The following PID1 variants were observed in gnomAD, a reference collection of about 807,000 sequenced individuals.
PID1 encodes PTB-containing, cubilin and LRP1-interacting protein.
Under a neutral mutation model 19.1 loss-of-function variants are expected in PID1, and 10 were observed. The ratio of observed to expected loss-of-function variants is 0.52; its 90% CI spans 0.32 to 0.89. The LOEUF is 0.89. PID1 is among the 40% of genes least tolerant of loss of function. PID1 has a pLI of 0.03. For synonymous variants in PID1, 130 were observed against 116.0 expected (o/e 1.12, Z -0.78); for missense variants, 248 against 285.3 (o/e 0.87, Z 0.94).
chr2:229,135,945 G>C lies in PID1; in HGVS notation c.177+19873C>G, dbSNP rs7606144. On this transcript the variant is annotated intron_variant, in intron 2 of 2. Transcript: ENST00000392055. ...TAAGATGGCTTCTGACAATGTTAGGGTGGCTCACCACCTAAAATCCACGCC... is the reference window on the plus strand; with the variant it reads ...TAAGATGGCTTCTGACAATGTTAGGCTGGCTCACCACCTAAAATCCACGCC... Among the ~76,000 whole-genome samples the C allele has an allele frequency of 2.0e-3, 307 of 152,282 alleles. 1 individual carries two copies. Among genetic ancestry groups the C allele is most frequent in the African/African-American group, 7.3e-3 (304 of 41,550 alleles).
intron 1 of PID1, among the ~76,000 whole-genome samples, chr2:229,188,766 G>T (rs1041361653): frequency 6.6e-6 from 1 of 150,684 alleles, no homozygotes; most frequent in Non-Finnish European, 1.5e-5. Context: ...GAGAGAGAGA[G>T]AAGGAAGGTA....
intron 2 of PID1, among the ~76,000 whole-genome samples, chr2:229,122,382 G>A (rs1031238483): frequency 6.6e-6 from 1 of 152,206 alleles, no homozygotes; most frequent in Non-Finnish European, 1.5e-5. Flanking sequence ...CAGGGGCATT[G>A]CATAGAGAGG....
chr2:229,197,118 C>T (rs1030978320), intron 1 of PID1, among the ~76,000 whole-genome samples: 4 of 151,892 alleles, frequency 2.6e-5, no homozygotes, highest in Non-Finnish European at 5.9e-5. Context: ...CAACAAAAAA[C>T]ACATTAGGAT....
At chr2:229,216,686 T>C (rs1427999206) in intron 1 of PID1, among the ~76,000 whole-genome samples, 1 of 152,036 alleles carries the variant, frequency 6.6e-6, no homozygotes, top group Non-Finnish European at 1.5e-5. Flanking sequence ...ATGCTTCTCA[T>C]ATGAGGAGGA....
chr2:229,233,373 A>T (rs1016957112), intron 1 of PID1, among the ~76,000 whole-genome samples: 1 of 151,732 alleles, frequency 6.6e-6, no homozygotes, highest in African/African-American at 2.4e-5. Context: ...GAACTACTTA[A>T]TAGTTCTAGA....
At chr2:229,041,159 C>G (rs1055099949) in intron 2 of PID1, among the ~76,000 whole-genome samples, 2 of 152,176 alleles carry the variant, frequency 1.3e-5, no homozygotes, top group East Asian at 1.9e-4. Context: ...TTCTAAATAT[C>G]ATTCTCCACT....
At chr2:229,117,217 C>A (rs1307257583) in intron 2 of PID1, among the ~76,000 whole-genome samples, 1 of 152,140 alleles carries the variant, frequency 6.6e-6, no homozygotes, top group Non-Finnish European at 1.5e-5. Context: ...ACCCTCCAAA[C>A]AACAAAACAA....
At chr2:229,205,670 G>C (rs1275747284) in intron 1 of PID1, among the ~76,000 whole-genome samples, 1 of 152,030 alleles carries the variant, frequency 6.6e-6, no homozygotes, top group Non-Finnish European at 1.5e-5. Flanking sequence ...ACAGGATTTG[G>C]GGAGGTCAAT....
intron 2 of PID1, among the ~76,000 whole-genome samples, chr2:229,027,752 T>C (rs558213958): frequency 6.6e-6 from 1 of 152,198 alleles, no homozygotes; most frequent in Non-Finnish European, 1.5e-5. Context: ...ACAAAGAGGC[T>C]GTGCTAACCT....
At chr2:229,164,857 CAA>C (rs1690567082) in intron 1 of PID1, among the ~76,000 whole-genome samples, 1 of 152,180 alleles carries the variant, frequency 6.6e-6, no homozygotes, top group Admixed American at 6.5e-5. Flanking sequence ...GGGGGACAAA[CAA>C]GAGAAGAGAA....
chr2:229,048,071 T>C (rs1289904363), intron 2 of PID1, among the ~76,000 whole-genome samples: 2 of 152,240 alleles, frequency 1.3e-5, no homozygotes, highest in African/African-American at 4.8e-5. Context: ...AGATGATTTC[T>C]TGATACATTC....
At chr2:229,046,375 T>TGTGTGTGTGTGTGTGC (rs1559208290) in intron 2 of PID1, among the ~76,000 whole-genome samples, 6 of 147,750 alleles carry the variant, frequency 4.1e-5, no homozygotes, top group African/African-American at 1.5e-4. Context: ...TGTGTGTGTG[T>TGTGTGTGTGTGTGTGC]GTGTGCGTGT....
intron 2 of PID1, among the ~76,000 whole-genome samples, chr2:229,053,150 G>T (rs912381519): frequency 6.6e-6 from 1 of 152,076 alleles, no homozygotes; most frequent in African/African-American, 2.4e-5. Context: ...GCATATAAAT[G>T]TATGTAAATA....
chr2:229,084,527 G>A (rs149186049), intron 2 of PID1, among the ~76,000 whole-genome samples: 70 of 152,244 alleles, frequency 4.6e-4, no homozygotes, highest in African/African-American at 1.3e-3. Flanking sequence ...TATGAATTGC[G>A]ACTGTCTCAT....
At chr2:229,066,717 G>A (rs1005186849) in intron 2 of PID1, among the ~76,000 whole-genome samples, 12 of 151,270 alleles carry the variant, frequency 7.9e-5, no homozygotes, top group African/African-American at 1.2e-4. Flanking sequence ...TAGCATACGC[G>A]TGCTGAAGAC....
At chr2:229,162,869 C>T (rs1419954) in intron 1 of PID1, among the ~76,000 whole-genome samples, 45,743 of 151,988 alleles carry the variant, frequency 0.3, 7,731 homozygotes, top group East Asian at 0.71. Context: ...AGATATCTTG[C>T]TTATTCTTTT....
At chr2:229,037,062 A>G (rs1163051325) in intron 2 of PID1, among the ~76,000 whole-genome samples, 2 of 151,862 alleles carry the variant, frequency 1.3e-5, no homozygotes, top group African/African-American at 4.9e-5. Flanking sequence ...GATTTTATAA[A>G]GTACACAATC....
At chr2:229,209,900 C>T (rs1033933103) in intron 1 of PID1, among the ~76,000 whole-genome samples, 1 of 152,092 alleles carries the variant, frequency 6.6e-6, no homozygotes, top group Non-Finnish European at 1.5e-5. Flanking sequence ...CACTTAGGAT[C>T]ACATTGATAG....
intron 1 of PID1, among the ~76,000 whole-genome samples, chr2:229,242,797 C>T (rs930533962): frequency 6.6e-6 from 1 of 152,056 alleles, no homozygotes; most frequent in Non-Finnish European, 1.5e-5. Flanking sequence ...GAAGTCCATG[C>T]TCAGTAACAT....
Sources: allele counts gnomAD v4.1 joint callset (sites outside exome capture counted in the v4.1 genomes callset), GRCh38; gene constraint gnomAD v4.1.1; transcripts MANE v1.5; gene names NCBI Gene and HGNC (gene_info 2026-07-23, HGNC 2026-07-21).